The following RNF6 variants were observed in gnomAD, a reference collection of about 807,000 sequenced individuals.
RNF6 encodes the protein ring finger protein 6, also known as E3 ubiquitin-protein ligase RNF6.
Under a neutral mutation model 50.1 loss-of-function variants are expected in RNF6, and 21 were observed. The observed-to-expected ratio is 0.42, with a 90% confidence interval of 0.30 to 0.60. The LOEUF is 0.60. Ranked by LOEUF, RNF6 falls within the 20% of genes least tolerant of loss-of-function variation. The pLI is 0.20. For missense variants in RNF6, 698 were observed against 838.2 expected (o/e 0.83, Z 2.07); for synonymous variants, 255 against 291.8 (o/e 0.87, Z 1.29).
At chr13:26,173,291 G>A (rs1485009030) in intron 5 of RNF6, among the ~76,000 whole-genome samples, 1 of 152,220 alleles carries the variant, frequency 6.6e-6, no homozygotes, top group Non-Finnish European at 1.5e-5. Context: ...GCTTGTAACA[G>A]TGAAGAAGTG....
At chr13:26,156,428 A>G (rs1024841910) in intron 5 of RNF6, among the ~76,000 whole-genome samples, 2 of 152,212 alleles carry the variant, frequency 1.3e-5, no homozygotes, top group Admixed American at 1.3e-4. Flanking sequence ...GAATACTGAC[A>G]TTATTCTCTC....
At chr13:26,205,134 G>T (rs1869058116) in intron 5 of RNF6, among the ~76,000 whole-genome samples, 1 of 152,052 alleles carries the variant, frequency 6.6e-6, no homozygotes, top group Admixed American at 6.6e-5. Context: ...GTTAGAAGAG[G>T]TATTTCTCTG....
rs1380620084 is a variant in RNF6, at chr13:26,184,014, ATATATTTTTTT to A, written n.768+31449_768+31459del. ...AAAATATATATATATATATATATAT[ATATATTTTTTT>A]TTTTTTTTTTTTTTTTTTTGAGACA... is the stretch of plus-strand genomic sequence containing the variant. On this transcript the variant is annotated intron_variant and non_coding_transcript_variant, in intron 5 of 5. Transcript: ENST00000468480. Among the ~76,000 whole-genome samples the A allele has an allele frequency of 6.5e-3, 374 of 57,870 alleles. 4 individuals carry two copies. The highest frequency in any genetic ancestry group is 0.021 in the South Asian group (35 of 1,664). 38.0% of individuals were successfully genotyped at this position (57,870 alleles called of 152,430 possible).
At position 26,215,488 on chromosome 13, in the gene RNF6, G is replaced by C. The variant is rs1410127968; in HGVS notation, c.394C>G (p.Gln132Glu). 1 of 1,614,046 alleles carries C rather than the reference G, an allele frequency of 6.2e-7. No homozygotes were observed. The highest frequency in any genetic ancestry group is 1.7e-5 in the Admixed American group (1 of 60,016). Reference sequence around the variant, plus strand: ...GTTCGACTCACAGCTCTCCAAGTTTGGTTCCCATTTTGTCCACTTCGAGTT... The same window carrying C: ...GTTCGACTCACAGCTCTCCAAGTTTCGTTCCCATTTTGTCCACTTCGAGTT... ...NATRSGQNGN[Q>E]TWRAVSRTNP... The change falls in exon 5 of 5, where the codon CAA becomes GAA. Residue 132 changes from glutamine (Q) to glutamate (E), a missense_variant. Transcript: ENST00000381588.
Position 26,214,721 on chromosome 13 carries a change from G to T in RNF6, c.1161C>A (p.Ser387=), listed in dbSNP as rs1254145275. ...TVEEGEESSR[S]STAVRRHPTI... ...TTGGATGTCGTCGTACAGCAGTTGA[G>T]GATCTGCTGGATTCTTCTCCTTCTT... Residue 387 remains serine, a synonymous_variant, in exon 5 of 5, where the codon TCC becomes TCA. Coordinates refer to ENST00000381588, the MANE Select transcript of RNF6 (RefSeq NM_005977.4). 6.2e-7 allele frequency: 1 copy of T among 1,614,164 alleles called. No homozygotes were observed. Among genetic ancestry groups the T allele is most frequent in the Admixed American group, 1.7e-5 (1 of 60,030 alleles).
At chr13:26,152,968 C>G (rs575192337) in intron 5 of RNF6, among the ~76,000 whole-genome samples, 1 of 151,968 alleles carries the variant, frequency 6.6e-6, no homozygotes, top group African/African-American at 2.4e-5. Flanking sequence ...GCCTGACCAA[C>G]ATGGCAAAAC....
chr13:26,198,517 C>T (rs1393026039), intron 5 of RNF6, among the ~76,000 whole-genome samples: 2 of 151,898 alleles, frequency 1.3e-5, no homozygotes, highest in Non-Finnish European at 2.9e-5. Context: ...CTAACCATCA[C>T]AGCATCTATG....
rs1387568365 is a variant in RNF6 at position 26,151,618 on chromosome 13, T to TTC, written n.769-19168_769-19167insGA. 1.3e-4 allele frequency among the ~76,000 whole-genome samples: 5 copies of TTC among 38,208 alleles called. No homozygotes were observed. The South Asian group carries it at 8.0e-3, about 61-fold the overall frequency. The allele number at this position is 38,208 out of a possible 152,430, so 25.1% of individuals were successfully genotyped here. The stretch of plus-strand genomic sequence containing the variant: ...GAACCTTTTCTCCTTTTTTTCTTTT[T>TTC]TTCTTTTTTTTTTTTTGGCAGAGGA... On this transcript the variant is annotated intron_variant and non_coding_transcript_variant, in intron 5 of 5. Transcript: ENST00000468480.
chr13:26,215,996 T>C (rs1869835623), intron 4 of RNF6, among the ~76,000 whole-genome samples: 1 of 152,240 alleles, frequency 6.6e-6, no homozygotes, highest in African/African-American at 2.4e-5. Flanking sequence ...TTGTCCTGTA[T>C]TTGTGGAATC....
At chr13:26,217,461 G>A (rs1870006325) in intron 4 of RNF6, among the ~76,000 whole-genome samples, 1 of 152,210 alleles carries the variant, frequency 6.6e-6, no homozygotes, top group African/African-American at 2.4e-5. Flanking sequence ...GCAGTTAGGT[G>A]TGACCATGAG....
intron 5 of RNF6, among the ~76,000 whole-genome samples, chr13:26,132,839 C>T (rs1241041034): frequency 6.6e-6 from 1 of 152,146 alleles, no homozygotes; most frequent in African/African-American, 2.4e-5. Flanking sequence ...AAACTTTTTG[C>T]AGGCATCAGA....
At chr13:26,137,189 C>T (rs1001206171) in intron 5 of RNF6, among the ~76,000 whole-genome samples, 5 of 152,150 alleles carry the variant, frequency 3.3e-5, no homozygotes, top group Non-Finnish European at 5.9e-5. Flanking sequence ...CTCAAAGCCT[C>T]TTCCTGATGC....
intron 5 of RNF6, among the ~76,000 whole-genome samples, chr13:26,194,300 G>A (rs1868575179): frequency 6.6e-6 from 1 of 152,126 alleles, no homozygotes; most frequent in Non-Finnish European, 1.5e-5. Context: ...CAAGAGACTG[G>A]TAAGAAAGAT....
chr13:26,183,995 T>C (rs1244473721), intron 5 of RNF6, among the ~76,000 whole-genome samples: 1 of 45,404 alleles, frequency 2.2e-5, no homozygotes, highest in Non-Finnish European at 3.8e-5. Flanking sequence ...AAATAAAATA[T>C]ATATATATAT....
intron 5 of RNF6, among the ~76,000 whole-genome samples, chr13:26,161,297 A>G (rs1330874425): frequency 6.6e-6 from 1 of 152,208 alleles, no homozygotes; most frequent in African/African-American, 2.4e-5. Context: ...ATTTTTAAAA[A>G]TATGCTCATT....
chr13:26,151,629 T>C (rs570730392), intron 5 of RNF6, among the ~76,000 whole-genome samples: 4,298 of 150,874 alleles, frequency 0.028, 107 homozygotes, highest in Middle Eastern at 0.088. Flanking sequence ...TTCTTTTTTT[T>C]TTTTTGGCAG....
At chr13:26,143,536 G>A (rs1294259242) in intron 5 of RNF6, among the ~76,000 whole-genome samples, 2 of 152,144 alleles carry the variant, frequency 1.3e-5, no homozygotes, top group Non-Finnish European at 2.9e-5. Context: ...ACTTTTGCTA[G>A]TGACTCACTA....
chr13:26,188,622 GCTT>G (rs1873665262), intron 5 of RNF6, among the ~76,000 whole-genome samples: 2 of 55,940 alleles, frequency 3.6e-5, no homozygotes, highest in Admixed American at 1.8e-4. Context: ...AGTCAAAAGA[GCTT>G]TTTTTTTTTT....
chr13:26,138,618 G>T (rs1322748705), intron 5 of RNF6, among the ~76,000 whole-genome samples: 1 of 152,140 alleles, frequency 6.6e-6, no homozygotes, highest in South Asian at 2.1e-4. Flanking sequence ...AGGGGGTGAA[G>T]CTATTTTGGA....
Sources: gnomAD v4.1 joint callset for allele counts (sites outside exome capture counted in the v4.1 genomes callset) on GRCh38, gnomAD v4.1.1 for gene constraint, MANE v1.5 for transcripts, NCBI Gene and HGNC (gene_info 2026-07-23, HGNC 2026-07-21) for gene names.